The following LINGO2 variants were observed in gnomAD, a reference collection of about 807,000 sequenced individuals.
LINGO2 encodes leucine rich repeat and Ig domain containing 2.
Under a neutral mutation model 30.6 loss-of-function variants are expected in LINGO2, and 14 were observed. The observed-to-expected ratio is 0.46, with a 90% CI of 0.30 to 0.72. The LOEUF is 0.72. LINGO2 is among the 30% of genes least tolerant of loss of function. LINGO2 has a pLI of 0.07. For missense variants in LINGO2, 729 were observed against 751.7 expected, an observed-to-expected ratio of 0.97 and a Z score of 0.35; for synonymous variants, 317 against 288.5, an observed-to-expected ratio of 1.10 and a Z score of -1.00.
the LINGO2 span, among the ~76,000 whole-genome samples, chr9:29,095,686 G>A: frequency 7.2e-5 from 10 of 138,950 alleles, 2 homozygotes; most frequent in African/African-American, 2.2e-4. Flanking sequence ...TTTAAAGACC[G>A]GAAGATAGTA....
the LINGO2 span, among the ~76,000 whole-genome samples, chr9:29,130,321 C>A: frequency 6.6e-6 from 1 of 152,080 alleles, no homozygotes. Context: ...TAGGTTACCC[C>A]CAAAGCCTCC....
At chr9:29,031,244 A>T in the LINGO2 span, among the ~76,000 whole-genome samples, 1 of 132,324 alleles carries the variant, frequency 7.6e-6, no homozygotes, top group African/African-American at 2.7e-5. Context: ...CATAGTAACA[A>T]AGTGGTGGTG....
rs1212919637 is a variant in LINGO2, at chr9:28,241,283, A to AAG, written c.-87+53924_-87+53925insCT. Among the ~76,000 whole-genome samples, 247 of 65,080 alleles carry AAG rather than the reference A, an allele frequency of 3.8e-3. 1 individual carries two copies. The highest frequency in any genetic ancestry group is 5.5e-3 in the Non-Finnish European group (198 of 35,822). The allele number at this position is 65,080 out of a possible 152,430, so 42.7% of individuals were successfully genotyped here. On this transcript the variant is annotated intron_variant, in intron 4 of 5. Coordinates refer to ENST00000379992, the Ensembl canonical transcript of LINGO2. ...ACCCTGTCTCAAAAAAAAAAAAAAA[A>AAG]AAAAAAAAAGAAAAAAGAAAAAAAA...
chr9:28,044,421 C>A (rs1824325028), intron 4 of LINGO2, among the ~76,000 whole-genome samples: 1 of 152,202 alleles, frequency 6.6e-6, no homozygotes, highest in East Asian at 1.9e-4. Flanking sequence ...GTGGGGGCTG[C>A]CCCATGCATC....
rs115134617 is a variant in LINGO2 at position 28,561,074 on chromosome 9, A to C, written c.-364-85049T>G. Among the ~76,000 whole-genome samples the C allele has an allele frequency of 5.5e-3, 844 of 152,148 alleles. 9 individuals carry two copies. Among genetic ancestry groups the C allele is most frequent in the African/African-American group, 0.019 (809 of 41,510 alleles). ...ACAAAATTGCCAGCTCTTCTGTTGAAATTAAAGTGGCAAGTGAGGAAAGAA... is the reference window on the plus strand; with the variant it reads ...ACAAAATTGCCAGCTCTTCTGTTGACATTAAAGTGGCAAGTGAGGAAAGAA... On this transcript the variant is annotated intron_variant, in intron 1 of 5. Transcript: ENST00000379992.
the LINGO2 span, among the ~76,000 whole-genome samples, chr9:28,767,265 TGAG>T: frequency 6.6e-6 from 1 of 152,262 alleles, no homozygotes; most frequent in South Asian, 2.1e-4. Flanking sequence ...AAAAAAGGTA[TGAG>T]GAGATGAATA....
chr9:28,744,609 C>CGTGTGTGTGTGTGTGTGTGT, the LINGO2 span, among the ~76,000 whole-genome samples: 5,729 of 133,852 alleles, frequency 0.043, 207 homozygotes, highest in Admixed American at 0.062. Flanking sequence ...ATATTCCCCT[C>CGTGTGTGTGTGTGTGTGTGT]GTGTGTGTGT....
chr9:28,679,244 G>T, the LINGO2 span, among the ~76,000 whole-genome samples: 3 of 152,018 alleles, frequency 2.0e-5, no homozygotes, highest in African/African-American at 7.2e-5. Flanking sequence ...AAGTTTTAAA[G>T]AAATCTTTTC....
At chr9:28,754,549 G>T in the LINGO2 span, among the ~76,000 whole-genome samples, 1 of 152,038 alleles carries the variant, frequency 6.6e-6, no homozygotes, top group Non-Finnish European at 1.5e-5. Flanking sequence ...TGATTGTCAT[G>T]ATTATCATTG....
chr9:28,584,646 C>T (rs371878986), intron 1 of LINGO2, among the ~76,000 whole-genome samples: 11 of 151,896 alleles, frequency 7.2e-5, no homozygotes, highest in African/African-American at 9.7e-5. Flanking sequence ...AAGGCTCCTG[C>T]GATGACTAAT....
chr9:28,247,862 A>T (rs2133998519), intron 4 of LINGO2, among the ~76,000 whole-genome samples: 1 of 152,364 alleles, frequency 6.6e-6, no homozygotes, highest in African/African-American at 2.4e-5. Flanking sequence ...AAAATGTGCC[A>T]ACATCATGGA....
At chr9:29,067,532 G>A in the LINGO2 span, among the ~76,000 whole-genome samples, 7 of 151,672 alleles carry the variant, frequency 4.6e-5, no homozygotes, top group East Asian at 5.8e-4. Flanking sequence ...TAAGAATCAA[G>A]TTTTGACAAA....
the LINGO2 span, among the ~76,000 whole-genome samples, chr9:29,083,795 G>A: frequency 1.3e-5 from 2 of 151,974 alleles, no homozygotes; most frequent in Non-Finnish European, 2.9e-5. Flanking sequence ...AAGCATCTAG[G>A]TACAAGTGAT....
At chr9:29,130,510 G>A in the LINGO2 span, among the ~76,000 whole-genome samples, 1 of 152,064 alleles carries the variant, frequency 6.6e-6, no homozygotes, top group Non-Finnish European at 1.5e-5. Flanking sequence ...GAGTGAACTT[G>A]ATGCCCATGG....
At chr9:29,079,145 GAA>G in the LINGO2 span, among the ~76,000 whole-genome samples, 1 of 150,644 alleles carries the variant, frequency 6.6e-6, no homozygotes, top group African/African-American at 2.4e-5. Flanking sequence ...ATGTTGACAT[GAA>G]AAAAAAATGC....
the LINGO2 span, among the ~76,000 whole-genome samples, chr9:28,777,094 C>T: frequency 0.073 from 11,033 of 152,122 alleles, 508 homozygotes; most frequent in South Asian, 0.11. Flanking sequence ...TCCCCTTCCG[C>T]CATGATTGTA....
At position 28,319,578 on chromosome 9, in the gene LINGO2, C is replaced by T. The variant is rs553151538; in HGVS notation, c.-245-24212G>A. ...ATACTTAAACTAGTAACACATACAG[C>T]GTGAATGAATCTTAAATTTATGACA... On this transcript the variant is annotated intron_variant, in intron 3 of 5. Coordinates refer to ENST00000379992, the Ensembl canonical transcript of LINGO2. 7.2e-4 allele frequency among the ~76,000 whole-genome samples: 109 copies of T among 152,104 alleles called. 1 individual carries two copies. The highest frequency in any genetic ancestry group is 2.4e-3 in the African/African-American group (100 of 41,500).
chr9:28,097,278 G>A lies in LINGO2; in HGVS notation c.-86-84873C>T, dbSNP rs568510822. On this transcript the variant is annotated intron_variant, in intron 4 of 5. Coordinates refer to ENST00000379992, the Ensembl canonical transcript of LINGO2. ...CAATCATCATGGAAGTCAGTGCGGC[G>A]ATTCCTCAGGGATCTAGAACTAGAA... is the stretch of plus-strand genomic sequence containing the variant. Among the ~76,000 whole-genome samples, 5 of 152,038 alleles carry A rather than the reference G, an allele frequency of 3.3e-5. No individual in the cohort carries two copies. In the East Asian group the frequency reaches 5.8e-4, roughly 18 times the overall value.
At chr9:28,793,232 AT>A in the LINGO2 span, among the ~76,000 whole-genome samples, 1 of 152,192 alleles carries the variant, frequency 6.6e-6, no homozygotes, top group Non-Finnish European at 1.5e-5. Context: ...CACAGAAACA[AT>A]ATTTTTTAAA....
Sources: allele counts gnomAD v4.1 joint callset (sites outside exome capture counted in the v4.1 genomes callset), GRCh38; gene constraint gnomAD v4.1.1; transcripts MANE v1.5; gene names NCBI Gene and HGNC (gene_info 2026-07-23, HGNC 2026-07-21).